CGGBP1: variants seen among roughly 807,000 people sequenced by gnomAD.
CGGBP1 encodes the protein CGG triplet repeat binding protein 1.
In CGGBP1, 4 loss-of-function variants were observed where a neutral mutation model predicts 11.4. The observed-to-expected ratio is 0.35, with a 90% CI of 0.17 to 0.80. The LOEUF is 0.80. Among genes scored for constraint, CGGBP1 ranks in the 30% least tolerant of loss-of-function variants. CGGBP1 has a pLI of 0.52. For synonymous variants in CGGBP1, 76 were observed against 74.1 expected, an observed-to-expected ratio of 1.03 and a Z score of -0.13; for missense variants, 135 against 202.1, an observed-to-expected ratio of 0.67 and a Z score of 2.01.
Position 88,052,663 on chromosome 3 carries a change from T to C in CGGBP1, c.*2810A>G, listed in dbSNP as rs1706454473. Reference sequence around the variant, plus strand: ...TATAAGATGCAGAACTTTTTAATGTTTTCTGGTCCCTGAAAATTCAATAGG... The same window carrying C: ...TATAAGATGCAGAACTTTTTAATGTCTTCTGGTCCCTGAAAATTCAATAGG... On this transcript the variant is annotated 3_prime_UTR_variant, in exon 4 of 4. Coordinates refer to ENST00000482016, the MANE Select transcript of CGGBP1 (RefSeq NM_001008390.2). 1 of 152,318 alleles carries C rather than the reference T, an allele frequency of 6.6e-6. No homozygotes were observed. The highest frequency in any genetic ancestry group is 2.4e-5 in the African/African-American group (1 of 41,444). The allele number at this position is 152,318 out of a possible 1,614,324, so 9.4% of individuals were successfully genotyped here.
chr3:88,147,199 A>C (rs1576366427), intron 1 of CGGBP1, among the ~76,000 whole-genome samples: 1 of 152,212 alleles, frequency 6.6e-6, no homozygotes, highest in South Asian at 2.1e-4. Context: ...GACAACAAAC[A>C]TACAGTATGT....
intron 2 of CGGBP1, among the ~76,000 whole-genome samples, chr3:88,082,799 T>G (rs1251433134): frequency 6.6e-6 from 1 of 152,206 alleles, no homozygotes; most frequent in African/African-American, 2.4e-5. Flanking sequence ...TGTGTATTAC[T>G]TAGGCTGCCA....
chr3:88,083,967 A>ATATATATATATATATATG (rs1559698507), intron 2 of CGGBP1, among the ~76,000 whole-genome samples: 3 of 93,168 alleles, frequency 3.2e-5, no homozygotes, highest in Non-Finnish European at 4.8e-5. Flanking sequence ...ATATATATAT[A>ATATATATATATATATATG]GAAAATATTT....
At chr3:88,088,443 C>G (rs1708449099) in intron 2 of CGGBP1, among the ~76,000 whole-genome samples, 1 of 151,724 alleles carries the variant, frequency 6.6e-6, no homozygotes, top group Non-Finnish European at 1.5e-5. Flanking sequence ...AAGTTACGTA[C>G]AACATTAAAA....
intron 1 of CGGBP1, chr3:88,143,783 A>G (rs1262393966): frequency 6.6e-6 from 1 of 152,056 alleles, no homozygotes. Context: ...TAACTAAATC[A>G]AGGAATGTTT....
chr3:88,105,742 T>G (rs1248768185), intron 2 of CGGBP1, among the ~76,000 whole-genome samples: 2 of 152,190 alleles, frequency 1.3e-5, no homozygotes, highest in East Asian at 3.8e-4. Context: ...CTTGGTATAT[T>G]TTTAATTTGT....
intron 2 of CGGBP1, among the ~76,000 whole-genome samples, chr3:88,119,404 A>AGGGGGGAG (rs1705628122): frequency 3.2e-5 from 1 of 31,624 alleles, no homozygotes; most frequent in Non-Finnish European, 5.3e-5. Flanking sequence ...GGGAGGGGGG[A>AGGGGGGAG]GGGGGGAGGG....
At chr3:88,059,215 A>G, upstream of CGGBP1, 1 of 1,477,834 alleles carries the variant, frequency 6.8e-7, no homozygotes, top group Non-Finnish European at 8.9e-7. Context: ...CCGGCTAGGG[A>G]GGAGGGAAGG....
intron 2 of CGGBP1, chr3:88,095,267 T>C (rs1172829153): frequency 1.2e-5 from 2 of 171,226 alleles, no homozygotes; most frequent in Non-Finnish European, 2.5e-5. Context: ...AGAGAACCAA[T>C]ACCATCTTTT....
chr3:88,077,919 C>A (rs1707900078), intron 2 of CGGBP1, among the ~76,000 whole-genome samples: 1 of 151,948 alleles, frequency 6.6e-6, no homozygotes, highest in Admixed American at 6.6e-5. Flanking sequence ...CACCAAAGCC[C>A]CTTGTTTTGT....
chr3:88,118,560 A>G (rs1183392053), intron 2 of CGGBP1, among the ~76,000 whole-genome samples: 4 of 152,282 alleles, frequency 2.6e-5, no homozygotes, highest in East Asian at 1.9e-4. Context: ...ACTTTCCACT[A>G]AAACCTCAAA....
intron 2 of CGGBP1, among the ~76,000 whole-genome samples, chr3:88,121,149 T>A (rs1345442007): frequency 2.0e-5 from 3 of 152,016 alleles, no homozygotes; most frequent in Admixed American, 6.6e-5. Context: ...AAAAGAAAAT[T>A]TTCCTTTCTG....
upstream of CGGBP1, among the ~76,000 whole-genome samples, chr3:88,063,222 C>G (rs1475677145): frequency 1.3e-5 from 2 of 152,158 alleles, no homozygotes; most frequent in African/African-American, 2.4e-5. Flanking sequence ...AAAGAATTAT[C>G]TGGTCCGGAA....
upstream of CGGBP1, chr3:88,059,528 C>G (rs1403982375): frequency 1.4e-6 from 2 of 1,458,960 alleles, no homozygotes; most frequent in South Asian, 1.4e-5. Flanking sequence ...TTGGCCGCCC[C>G]GACTTGTCAC....
At chr3:88,083,937 TA>T (rs1425203912) in intron 2 of CGGBP1, among the ~76,000 whole-genome samples, 1 of 35,940 alleles carries the variant, frequency 2.8e-5, no homozygotes, top group Non-Finnish European at 6.1e-5. Context: ...GTAATGTACT[TA>T]TTTTATATAT....
intron 2 of CGGBP1, among the ~76,000 whole-genome samples, chr3:88,119,926 A>G (rs1705667917): frequency 6.6e-6 from 1 of 152,224 alleles, no homozygotes; most frequent in Non-Finnish European, 1.5e-5. Context: ...CTCTTCAGAT[A>G]AAACTCTGCT....
rs550224835 is a variant in CGGBP1 at position 88,108,225 on chromosome 3, A to G, written c.-229+32745T>C. ...GTAGTTTTTTTTTTTTCCTATTTCTACTTAGCTCCAAGTTCACACTGGCAG... is the reference window on the plus strand; with the variant it reads ...GTAGTTTTTTTTTTTTCCTATTTCTGCTTAGCTCCAAGTTCACACTGGCAG... On this transcript the variant is annotated intron_variant, in intron 2 of 3. Transcript: ENST00000462901. 1.1e-4 allele frequency among the ~76,000 whole-genome samples: 17 copies of G among 151,502 alleles called. No individual in the cohort carries two copies. In the South Asian group the frequency reaches 3.5e-3, roughly 32 times the overall value.
intron 2 of CGGBP1, among the ~76,000 whole-genome samples, chr3:88,133,466 G>A (rs150075451): frequency 7.0e-4 from 106 of 152,194 alleles, no homozygotes; most frequent in Non-Finnish European, 8.7e-4. Context: ...TCAGTAAGAG[G>A]GATCTTTTCT....
At chr3:88,072,381 C>G (rs1707563436) in intron 2 of CGGBP1, among the ~76,000 whole-genome samples, 1 of 152,162 alleles carries the variant, frequency 6.6e-6, no homozygotes, top group Non-Finnish European at 1.5e-5. Flanking sequence ...TTCTGTATCT[C>G]AGAGTCAAAG....
Sources: allele counts gnomAD v4.1 joint callset (sites outside exome capture counted in the v4.1 genomes callset), GRCh38; gene constraint gnomAD v4.1.1; transcripts MANE v1.5; gene names NCBI Gene and HGNC (gene_info 2026-07-23, HGNC 2026-07-21).